The following CUX2 variants were observed in gnomAD, a reference collection of about 807,000 sequenced individuals.
The protein encoded by CUX2 is homeobox protein cut-like 2.
CUX2 carries 40 observed loss-of-function variants against 144.8 expected under a neutral mutation model. The ratio of observed to expected loss-of-function variants is 0.28; its 90% confidence interval spans 0.21 to 0.36. CUX2 has a LOEUF of 0.36. Ranked by LOEUF, CUX2 falls within the 10% of genes least tolerant of loss-of-function variation. The pLI, the probability that CUX2 is intolerant of heterozygous loss-of-function variation, is 1.00. For synonymous variants in CUX2, 827 were observed against 875.6 expected (o/e 0.94, Z 0.98); for missense variants, 1,615 against 1,994.0 (o/e 0.81, Z 3.62).
intron 18 of CUX2, among the ~76,000 whole-genome samples, chr12:111,330,726 TATATATATATATATATATATATATAA>T (rs1565926286): frequency 7.2e-5 from 4 of 55,848 alleles, no homozygotes; most frequent in Middle Eastern, 7.4e-3. Flanking sequence ...TATATATATA[TATATATATATATATATATATATATAA>T]AGAGAGAGGG....
chr12:111,155,318 AAG>A (rs1285125053), intron 1 of CUX2, among the ~76,000 whole-genome samples: 8 of 152,320 alleles, frequency 5.3e-5, no homozygotes, highest in Admixed American at 2.6e-4. Context: ...AATGGAAAAA[AAG>A]AGTTTAAAAC....
rs1885541411 is a variant in CUX2, at chr12:111,289,019, A to AG, written c.302-2397dup. ...ACACCTGGAATCCCAGCTACTCGGG[A>AG]GGCTGAGTCAGGAACATAGCTTGAA... is the stretch of plus-strand genomic sequence containing the variant. On this transcript the variant is annotated intron_variant, in intron 4 of 21. Coordinates refer to ENST00000261726, the MANE Select transcript of CUX2 (RefSeq NM_015267.4). This position sits in a 1 kb window ranked among gnomAD's most constrained non-coding sequence, Gnocchi z 4.1. Among the ~76,000 whole-genome samples, 1 of 152,158 alleles carries AG rather than the reference A, an allele frequency of 6.6e-6. No individual in the cohort carries two copies. Among genetic ancestry groups the AG allele is most frequent in the Non-Finnish European group, 1.5e-5 (1 of 68,038 alleles).
intron 1 of CUX2, among the ~76,000 whole-genome samples, chr12:111,084,275 C>T (rs1872068482): frequency 6.6e-6 from 1 of 152,148 alleles, no homozygotes; most frequent in Admixed American, 6.5e-5. Context: ...ATTTCAGCCC[C>T]CGCCCTTTCC....
At chr12:111,337,134 C>T (rs1352230660) in intron 19 of CUX2, among the ~76,000 whole-genome samples, 1 of 152,056 alleles carries the variant, frequency 6.6e-6, no homozygotes, top group East Asian at 1.9e-4. Context: ...AAGATCACAC[C>T]ACTGCAGTCC....
rs568983449 is a variant in CUX2, at chr12:111,328,580, TTGTGTGTGTGTG to T, written c.2927-5832_2927-5821del. Among the ~76,000 whole-genome samples, 32 of 135,852 alleles carry T rather than the reference TTGTGTGTGTGTG, an allele frequency of 2.4e-4. 1 individual carries two copies. Among genetic ancestry groups the T allele is most frequent in the Admixed American group, 3.0e-4 (4 of 13,410 alleles). 89.1% of individuals were successfully genotyped at this position (135,852 alleles called of 152,430 possible). On this transcript the variant is annotated intron_variant, in intron 18 of 21. Coordinates refer to ENST00000261726, the MANE Select transcript of CUX2 (RefSeq NM_015267.4). ...CTCTGTCTCTCTCCTCCAATTTCTT[TTGTGTGTGTGTG>T]TGTGTGTGTGTGTGTGTGTGTGTGT... is the stretch of plus-strand genomic sequence containing the variant.
intron 1 of CUX2, among the ~76,000 whole-genome samples, chr12:111,074,371 G>A (rs1871405157): frequency 6.6e-6 from 1 of 152,092 alleles, no homozygotes; most frequent in East Asian, 1.9e-4. Flanking sequence ...AAGACGTAGG[G>A]TAAACACCTG....
intron 1 of CUX2, among the ~76,000 whole-genome samples, chr12:111,166,574 G>A (rs546563540): frequency 2.6e-5 from 4 of 152,340 alleles, no homozygotes; most frequent in South Asian, 4.1e-4. Flanking sequence ...AACACAGCCC[G>A]AGGCTCAGAG....
Position 111,308,457 on chromosome 12 carries a change from A to T in CUX2, c.1189A>T (p.Ile397Phe), listed in dbSNP as rs781429707. 6.2e-7 allele frequency: 1 copy of T among 1,614,088 alleles called. No individual in the cohort carries two copies. Among genetic ancestry groups the T allele is most frequent in the South Asian group, 1.1e-5 (1 of 91,082 alleles). The change falls in exon 14 of 22, where the codon ATT (isoleucine) becomes TTT (phenylalanine). Residue 397 changes from isoleucine to phenylalanine, a missense_variant. Ile to Phe is a conservative substitution (Grantham distance 21). This residue lies in a region of CUX2 where 57 missense variants were observed against 60.8 expected (regional missense o/e 0.94). Coordinates refer to ENST00000261726, the MANE Select transcript of CUX2 (RefSeq NM_015267.4). ...GMAKPEDSLL[I>F]AKEAFFPTQK... Reference sequence around the variant, plus strand: ...GGCCAAGCCTGAAGACTCACTGCTTATTGCAAAGGAGGCCTTCTTCCCCAC... The same window carrying T: ...GGCCAAGCCTGAAGACTCACTGCTTTTTGCAAAGGAGGCCTTCTTCCCCAC...
At chr12:111,043,914 G>T (rs1297939669) in intron 1 of CUX2, among the ~76,000 whole-genome samples, 1 of 152,164 alleles carries the variant, frequency 6.6e-6, no homozygotes, top group Non-Finnish European at 1.5e-5. Context: ...CGACTTCAGG[G>T]AGCGTGATAG....
intron 1 of CUX2, among the ~76,000 whole-genome samples, chr12:111,125,611 C>G (rs949848703): frequency 6.6e-6 from 1 of 152,194 alleles, no homozygotes; most frequent in African/African-American, 2.4e-5. Context: ...ATTCCATTGC[C>G]TAGATATATC....
rs150280332 is a variant in CUX2 at position 111,261,699 on chromosome 12, G to A, written c.223-2062G>A. Reference sequence around the variant, plus strand: ...GCAGATCACTTGAGGTGAGGAGTTCGAGACCAGCCTGGCCAACATGGCGAA... The same window carrying A: ...GCAGATCACTTGAGGTGAGGAGTTCAAGACCAGCCTGGCCAACATGGCGAA... On this transcript the variant is annotated intron_variant, in intron 3 of 21. Transcript: ENST00000261726. Among the ~76,000 whole-genome samples the A allele has an allele frequency of 5.9e-4, 90 of 152,164 alleles. 1 individual carries two copies. The East Asian group carries it at 0.016, about 27-fold the overall frequency.
At chr12:111,086,576 G>T (rs534547212) in intron 1 of CUX2, among the ~76,000 whole-genome samples, 1 of 152,300 alleles carries the variant, frequency 6.6e-6, no homozygotes, top group Admixed American at 6.5e-5. Flanking sequence ...GTGCAGACAG[G>T]GAGAGGAAGA....
Position 111,322,345 on chromosome 12 carries a change from G to C in CUX2, c.2767-76G>C. ...TCAAAAAAAAAAAAAAAAAAAAAAA[G>C]GTTGGGGAGGAGAGTGAGGGCCAGG... On this transcript the variant is annotated intron_variant, in intron 17 of 21. Transcript: ENST00000261726. This position sits in a 1 kb window ranked among gnomAD's most constrained non-coding sequence, Gnocchi z 4.2. 4.9e-6 allele frequency: 5 copies of C among 1,012,342 alleles called. No individual in the cohort carries two copies. The highest frequency in any genetic ancestry group is 5.4e-6 in the Non-Finnish European group (4 of 735,420). The allele number at this position is 1,012,342 out of a possible 1,614,324, so 62.7% of individuals were successfully genotyped here.
chr12:111,337,813 A>G (rs1412981616), intron 19 of CUX2, among the ~76,000 whole-genome samples: 1 of 152,186 alleles, frequency 6.6e-6, no homozygotes, highest in Non-Finnish European at 1.5e-5. Context: ...AGGCAGATGG[A>G]TCACCTGAGG....
intron 1 of CUX2, among the ~76,000 whole-genome samples, chr12:111,133,694 TAGAAGCAA>T (rs1875656121): frequency 6.6e-6 from 1 of 152,088 alleles, no homozygotes; most frequent in African/African-American, 2.4e-5. Context: ...GTTACAAGTC[TAGAAGCAA>T]AGAGGTGGTT....
At chr12:111,197,929 G>C (rs868425872) in intron 1 of CUX2, among the ~76,000 whole-genome samples, 1 of 152,126 alleles carries the variant, frequency 6.6e-6, no homozygotes, top group Admixed American at 6.5e-5. Flanking sequence ...GCCTGTTTGG[G>C]GGAACCCAGT....
intron 1 of CUX2, among the ~76,000 whole-genome samples, chr12:111,086,598 T>G (rs1385864703): frequency 6.6e-6 from 1 of 152,182 alleles, no homozygotes; most frequent in Admixed American, 6.5e-5. Context: ...GGCTCCTCTT[T>G]TAGGACATCA....
intron 4 of CUX2, among the ~76,000 whole-genome samples, chr12:111,269,784 A>AC (rs1268708937): frequency 1.1e-4 from 17 of 152,006 alleles, no homozygotes; most frequent in African/African-American, 3.9e-4. Flanking sequence ...AGGTCCATAT[A>AC]CCCTCTCTCC....
intron 1 of CUX2, among the ~76,000 whole-genome samples, chr12:111,063,477 G>A (rs1211878201): frequency 6.6e-6 from 1 of 152,214 alleles, no homozygotes; most frequent in Non-Finnish European, 1.5e-5. Context: ...CAGCATAGGT[G>A]GCTCTGGGGC....
Sources: gnomAD v4.1 joint callset for allele counts (sites outside exome capture counted in the v4.1 genomes callset) on GRCh38, gnomAD v4.1.1 for gene constraint, gnomAD v4.1.1 regional missense constraint, Gnocchi (gnomAD v3.1) non-coding constraint, MANE v1.5 for transcripts, NCBI Gene and HGNC (gene_info 2026-07-23, HGNC 2026-07-21) for gene names.